The following LINGO3 variants were observed in gnomAD, a reference collection of about 807,000 sequenced individuals.
LINGO3 encodes leucine-rich repeat and immunoglobulin-like domain-containing nogo receptor-interacting protein 3.
For synonymous variants in LINGO3, 427 were observed against 444.2 expected (o/e 0.96, Z 0.49); for missense variants, 750 against 867.7 (o/e 0.86, Z 1.70).
chr19:2,307,510 T>C, the LINGO3 span, among the ~76,000 whole-genome samples: 1 of 151,752 alleles, frequency 6.6e-6, no homozygotes, highest in South Asian at 2.1e-4. Flanking sequence ...CCATTTCTGG[T>C]GCTATTCAGA....
chr19:2,305,232 G>A, the LINGO3 span, among the ~76,000 whole-genome samples: 1 of 152,104 alleles, frequency 6.6e-6, no homozygotes, highest in African/African-American at 2.4e-5. Context: ...TGGGGTCTGA[G>A]ATCTGCACCA....
chr19:2,301,301 C>G, the LINGO3 span, among the ~76,000 whole-genome samples: 2 of 151,050 alleles, frequency 1.3e-5, no homozygotes, highest in South Asian at 4.2e-4. Flanking sequence ...GTCTCTCTTT[C>G]TTGGCCCCAT....
chr19:2,302,469 G>C, the LINGO3 span, among the ~76,000 whole-genome samples: 1 of 152,200 alleles, frequency 6.6e-6, no homozygotes, highest in East Asian at 1.9e-4. Flanking sequence ...CTGTGTCCTC[G>C]GGTGACGTCA....
the LINGO3 span, among the ~76,000 whole-genome samples, chr19:2,298,964 CT>C: frequency 1.3e-5 from 2 of 152,166 alleles, no homozygotes; most frequent in Non-Finnish European, 2.9e-5. Context: ...GCAGAAGTGC[CT>C]GCGGGAGGCC....
Position 2,290,013 on chromosome 19 carries a change from G to A in LINGO3, c.1764C>T (p.Asn588=). 6.5e-7 allele frequency: 1 copy of A among 1,544,796 alleles called. No individual in the cohort carries two copies. The highest frequency in any genetic ancestry group is 2.5e-5 in the East Asian group (1 of 40,650). The change falls in exon 1 of 1, where the codon AAC becomes AAT. Residue 588 remains asparagine (N), a synonymous_variant. Coordinates refer to ENST00000585527, the Ensembl canonical transcript of LINGO3. This position sits in a 1 kb window ranked among gnomAD's most constrained non-coding sequence, Gnocchi z 6.0. Reference sequence around the variant, plus strand: ...TGGGGACCCCTCAGATCATCTTCATGTTGAACTTGCGCGCGCCTCCCTGGC... The same window carrying A: ...TGGGGACCCCTCAGATCATCTTCATATTGAACTTGCGCGCGCCTCCCTGGC...
At chr19:2,294,636 C>T (rs1018767228), upstream of LINGO3, among the ~76,000 whole-genome samples, 24 of 151,710 alleles carry the variant, frequency 1.6e-4, no homozygotes, top group African/African-American at 5.8e-4. The surrounding 1 kb of genome is among the most constrained non-coding windows in gnomAD (Gnocchi z 4.3). Flanking sequence ...TAGGAGGGGC[C>T]TCTGGGTGGG....
the LINGO3 span, among the ~76,000 whole-genome samples, chr19:2,297,369 AT>A: frequency 1.7e-3 from 208 of 122,166 alleles, no homozygotes; most frequent in Admixed American, 2.4e-3. Context: ...CAGTGGCATG[AT>A]CTCTGTTCAC....
chr19:2,308,142 AGCCGCCGCCGCC>A, the LINGO3 span, among the ~76,000 whole-genome samples: 16 of 139,674 alleles, frequency 1.1e-4, no homozygotes, highest in African/African-American at 2.6e-4. Flanking sequence ...CGACACGAGC[AGCCGCCGCCGCC>A]GCCGCCGCCG....
rs747035083 is a variant in LINGO3 at position 2,290,906 on chromosome 19, G to C, written c.871C>G (p.Arg291Gly). ...AGCTCGCGCAGGCGGACCAGGTCCCGGAACGACCCCCGCGGCACCGTGCTG... is the reference window on the plus strand; with the variant it reads ...AGCTCGCGCAGGCGGACCAGGTCCCCGAACGACCCCCGCGGCACCGTGCTG... Residue 291 changes from arginine to glycine, a missense_variant, in exon 1 of 1, where the codon CGG (arginine) becomes GGG (glycine). Transcript: ENST00000585527. This position sits in a 1 kb window ranked among gnomAD's most constrained non-coding sequence, Gnocchi z 6.0. The C allele has an allele frequency of 1.2e-6, 2 of 1,611,330 alleles. No individual in the cohort carries two copies. Among genetic ancestry groups the C allele is most frequent in the Non-Finnish European group, 1.7e-6 (2 of 1,179,210 alleles).
chr19:2,293,443 C>T (rs1235528085), upstream of LINGO3, among the ~76,000 whole-genome samples: 1 of 150,964 alleles, frequency 6.6e-6, no homozygotes, highest in Non-Finnish European at 1.5e-5. Context: ...CTGCAAGCTC[C>T]CCCTCCCCAG....
upstream of LINGO3, among the ~76,000 whole-genome samples, chr19:2,293,966 G>A (rs1240702716): frequency 6.6e-6 from 1 of 151,942 alleles, no homozygotes; most frequent in African/African-American, 2.4e-5. Context: ...TGGGAGGATC[G>A]CTTGATCCCA....
chr19:2,291,591 G>A (rs2025523649), exon 1 of LINGO3: 6 of 1,542,748 alleles, frequency 3.9e-6, no homozygotes, highest in South Asian at 3.6e-5. Flanking sequence ...TGCGGTTGCG[G>A]CTGAGCTCCA....
chr19:2,299,944 T>C, the LINGO3 span, among the ~76,000 whole-genome samples: 1 of 150,288 alleles, frequency 6.7e-6, no homozygotes. Context: ...AGGATGGTCT[T>C]ACTCTCCTGA....
chr19:2,287,596 A>C (rs1174290491), downstream of LINGO3, among the ~76,000 whole-genome samples: 1 of 152,166 alleles, frequency 6.6e-6, no homozygotes, highest in Non-Finnish European at 1.5e-5. The surrounding 1 kb of genome is among the most constrained non-coding windows in gnomAD (Gnocchi z 4.5). Flanking sequence ...GCTCCTTCTG[A>C]AACTTTTGCT....
chr19:2,299,816 TGG>T, the LINGO3 span, among the ~76,000 whole-genome samples: 1 of 134,328 alleles, frequency 7.4e-6, no homozygotes, highest in South Asian at 2.6e-4. Flanking sequence ...CTTCGCCCCC[TGG>T]GTTCATGCCA....
chr19:2,294,647 G>A (rs1216788137), upstream of LINGO3, among the ~76,000 whole-genome samples: 1 of 151,998 alleles, frequency 6.6e-6, no homozygotes, highest in Non-Finnish European at 1.5e-5. The surrounding 1 kb of genome is among the most constrained non-coding windows in gnomAD (Gnocchi z 4.3). Flanking sequence ...TCTGGGTGGG[G>A]GGCAGATGAC....
At chr19:2,296,130 C>G (rs1378852503), upstream of LINGO3, among the ~76,000 whole-genome samples, 1 of 152,192 alleles carries the variant, frequency 6.6e-6, no homozygotes, top group Non-Finnish European at 1.5e-5. Context: ...CATTCTCTCC[C>G]GAGCTGCTGC....
upstream of LINGO3, among the ~76,000 whole-genome samples, chr19:2,296,369 C>T (rs895447744): frequency 1.3e-5 from 2 of 152,192 alleles, no homozygotes; most frequent in African/African-American, 4.8e-5. Flanking sequence ...CATCCCAGAA[C>T]TTTGGGAGGC....
At chr19:2,299,986 G>A in the LINGO3 span, among the ~76,000 whole-genome samples, 1 of 149,196 alleles carries the variant, frequency 6.7e-6, no homozygotes, top group Non-Finnish European at 1.5e-5. Context: ...GCCTCCCAAA[G>A]TGCTGGGATT....
Sources: gnomAD v4.1 joint callset for allele counts (sites outside exome capture counted in the v4.1 genomes callset) on GRCh38, gnomAD v4.1.1 for gene constraint, Gnocchi (gnomAD v3.1) non-coding constraint, MANE v1.5 for transcripts, NCBI Gene and HGNC (gene_info 2026-07-23, HGNC 2026-07-21) for gene names.